The following MYT1L variants were observed in gnomAD, a reference collection of about 807,000 sequenced individuals.
MYT1L encodes myelin transcription factor 1-like protein.
Under a neutral mutation model 126.7 loss-of-function variants are expected in MYT1L, and 12 were observed. That is an observed-to-expected ratio of 0.09 (90% confidence interval 0.06 to 0.15). The LOEUF (loss-of-function observed/expected upper bound fraction) is 0.15, where lower values mean the gene tolerates loss of function less well. Among genes scored for constraint, MYT1L ranks in the 10% least tolerant of loss-of-function variants. The pLI is 1.00. For synonymous variants in MYT1L, 541 were observed against 604.2 expected (o/e 0.90, Z 1.53); for missense variants, 979 against 1,585.2 (o/e 0.62, Z 6.49).
chr2:2,115,549 C>A (rs1466345015), intron 3 of MYT1L, among the ~76,000 whole-genome samples: 1 of 152,182 alleles, frequency 6.6e-6, no homozygotes, highest in Non-Finnish European at 1.5e-5. Context: ...GCAACTTTTG[C>A]CAAATGTGTA....
intron 2 of MYT1L, among the ~76,000 whole-genome samples, chr2:2,194,554 GT>G (rs1178588281): frequency 1.3e-5 from 2 of 152,152 alleles, no homozygotes; most frequent in Non-Finnish European, 2.9e-5. Context: ...GCTTTGGGCT[GT>G]GTGTACATGC....
intron 3 of MYT1L, among the ~76,000 whole-genome samples, chr2:2,134,277 C>G (rs992093052): frequency 6.6e-6 from 1 of 152,180 alleles, no homozygotes. Flanking sequence ...ATCCTCATTG[C>G]TACCATGCCA....
intron 19 of MYT1L, among the ~76,000 whole-genome samples, chr2:1,850,196 CTT>C: frequency 4.8e-5 from 1 of 21,046 alleles, no homozygotes; most frequent in African/African-American, 5.8e-4. Context: ...TCCTTCCTTC[CTT>C]CCTTCCTTCC....
intron 2 of MYT1L, among the ~76,000 whole-genome samples, chr2:2,257,218 T>A (rs931315905): frequency 1.3e-5 from 2 of 152,178 alleles, no homozygotes; most frequent in Admixed American, 6.5e-5. Flanking sequence ...ACCCTCTGGA[T>A]ACCTCCTGTG....
intron 18 of MYT1L, among the ~76,000 whole-genome samples, chr2:1,860,418 C>T (rs557624080): frequency 2.6e-5 from 4 of 152,180 alleles, no homozygotes; most frequent in Non-Finnish European, 4.4e-5. Flanking sequence ...CAGGGCCTGA[C>T]GCATTCAAAC....
At chr2:2,159,484 G>C (rs972250012) in intron 3 of MYT1L, among the ~76,000 whole-genome samples, 1 of 151,870 alleles carries the variant, frequency 6.6e-6, no homozygotes, top group East Asian at 2.0e-4. Context: ...GTGGGATCTC[G>C]CCTGGCTTTC....
chr2:2,076,491 C>T (rs988834195), intron 3 of MYT1L, among the ~76,000 whole-genome samples: 3 of 152,134 alleles, frequency 2.0e-5, no homozygotes, highest in African/African-American at 7.2e-5. Context: ...CCTACAAAGC[C>T]AGGCCTTAAA....
chr2:2,000,512 C>T (rs564613804), intron 4 of MYT1L, among the ~76,000 whole-genome samples: 1 of 152,180 alleles, frequency 6.6e-6, no homozygotes, highest in East Asian at 1.9e-4. Flanking sequence ...GGCACTTCTC[C>T]CTGGGCTGGG....
At chr2:2,080,184 G>C (rs541810557) in intron 3 of MYT1L, among the ~76,000 whole-genome samples, 1 of 152,200 alleles carries the variant, frequency 6.6e-6, no homozygotes, top group South Asian at 2.1e-4. Context: ...ATGTATCAAA[G>C]GCCTAAATGT....
At chr2:2,159,532 T>G (rs1032191943) in intron 3 of MYT1L, among the ~76,000 whole-genome samples, 3 of 152,080 alleles carry the variant, frequency 2.0e-5, no homozygotes, top group African/African-American at 7.2e-5. Context: ...ACCTCGCTGC[T>G]GAGCGCGGGC....
chr2:2,163,059 A>G (rs990870182), intron 3 of MYT1L, among the ~76,000 whole-genome samples: 15 of 152,194 alleles, frequency 9.9e-5, no homozygotes, highest in Admixed American at 9.8e-4. Flanking sequence ...GAATGTAGAA[A>G]TAAGATCTTG....
intron 2 of MYT1L, among the ~76,000 whole-genome samples, chr2:2,208,841 A>C (rs1385594989): frequency 6.6e-6 from 1 of 152,222 alleles, no homozygotes; most frequent in Non-Finnish European, 1.5e-5. Flanking sequence ...AAATAGAAAA[A>C]CAGTAAACCT....
intron 2 of MYT1L, among the ~76,000 whole-genome samples, chr2:2,175,245 G>A (rs1370852397): frequency 6.6e-6 from 1 of 152,148 alleles, no homozygotes; most frequent in Non-Finnish European, 1.5e-5. Context: ...CAGATGGAAA[G>A]AAGCCAGCTC....
chr2:1,919,167 T>C (rs577087151), intron 10 of MYT1L, among the ~76,000 whole-genome samples: 11 of 152,276 alleles, frequency 7.2e-5, no homozygotes, highest in African/African-American at 2.4e-4. Context: ...TGTTGTGAAA[T>C]TAAGTAGGGA....
intron 4 of MYT1L, among the ~76,000 whole-genome samples, chr2:2,026,430 C>T (rs1380640963): frequency 6.6e-6 from 1 of 152,118 alleles, no homozygotes; most frequent in Non-Finnish European, 1.5e-5. Context: ...TGCAGGGATT[C>T]TAGCAGGGGT....
At chr2:2,013,778 G>T (rs1310750936) in intron 4 of MYT1L, among the ~76,000 whole-genome samples, 2 of 152,222 alleles carry the variant, frequency 1.3e-5, no homozygotes, top group Non-Finnish European at 2.9e-5. Flanking sequence ...CCAAGAAGGG[G>T]GACTGAATTC....
At chr2:2,300,356 T>C (rs568584455) in intron 1 of MYT1L, among the ~76,000 whole-genome samples, 5 of 152,304 alleles carry the variant, frequency 3.3e-5, no homozygotes, top group Non-Finnish European at 7.3e-5. Context: ...TAGAAAACAG[T>C]GGAAGCAAAG....
At chr2:2,199,358 G>A (rs1008677358) in intron 2 of MYT1L, among the ~76,000 whole-genome samples, 4 of 152,226 alleles carry the variant, frequency 2.6e-5, no homozygotes, top group African/African-American at 9.6e-5. Flanking sequence ...CTTGGGCACT[G>A]CCTTCTTGCC....
chr2:1,901,139 A>G (rs1047926098), intron 14 of MYT1L, among the ~76,000 whole-genome samples: 16 of 152,148 alleles, frequency 1.1e-4, no homozygotes, highest in Non-Finnish European at 5.9e-5. Flanking sequence ...GGGTGCCCTA[A>G]AGGCACCGTG....
Sources: gnomAD v4.1 joint callset for allele counts (sites outside exome capture counted in the v4.1 genomes callset) on GRCh38, gnomAD v4.1.1 for gene constraint, MANE v1.5 for transcripts, NCBI Gene and HGNC (gene_info 2026-07-23, HGNC 2026-07-21) for gene names.